MED26: variants seen among roughly 807,000 people sequenced by gnomAD.
MED26 encodes mediator of RNA polymerase II transcription subunit 26.
MED26 carries 7 observed loss-of-function variants against 43.7 expected under a neutral mutation model. The observed-to-expected ratio is 0.16, with a 90% CI of 0.09 to 0.30. The LOEUF (loss-of-function observed/expected upper bound fraction) is 0.30, where lower values mean the gene tolerates loss of function less well. Ranked by LOEUF, MED26 falls within the 10% of genes least tolerant of loss-of-function variation. The pLI, the probability that MED26 is intolerant of heterozygous loss-of-function variation, is 1.00. For synonymous variants in MED26, 375 were observed against 371.1 expected (o/e 1.01, Z -0.12); for missense variants, 784 against 840.6 (o/e 0.93, Z 0.83).
intron 1 of MED26, among the ~76,000 whole-genome samples, chr19:16,595,140 C>G (rs1230969895): frequency 6.6e-6 from 1 of 152,150 alleles, no homozygotes; most frequent in African/African-American, 2.4e-5. Context: ...GTAGGAAAGC[C>G]CACAGTCCAG....
At chr19:16,579,998 A>G (rs2086036554) in intron 1 of MED26, among the ~76,000 whole-genome samples, 1 of 152,186 alleles carries the variant, frequency 6.6e-6, no homozygotes, top group Non-Finnish European at 1.5e-5. Flanking sequence ...GCCCGACTTG[A>G]ATGCTGTGGG....
At chr19:16,616,866 C>G (rs553592612) in intron 1 of MED26, among the ~76,000 whole-genome samples, 13 of 151,978 alleles carry the variant, frequency 8.6e-5, no homozygotes, top group Non-Finnish European at 1.9e-4. Flanking sequence ...AGGCAGACAC[C>G]CCCCCACTGC....
Position 16,576,064 on chromosome 19 carries a change from C to G in MED26, c.1766G>C (p.Gly589Ala), listed in dbSNP as rs762728538. The change falls in exon 3 of 3, where the codon GGG becomes GCG. Residue 589 changes from glycine to alanine, a missense_variant. Gly to Ala is a moderately conservative substitution (Grantham distance 60). This residue lies in a region of MED26 where 719 missense variants were observed against 730.9 expected (regional missense o/e 0.98). Coordinates refer to ENST00000263390, the MANE Select transcript of MED26 (RefSeq NM_004831.5). The surrounding 1 kb of genome is among the most constrained non-coding windows in gnomAD (Gnocchi z 6.8). ...CISLDPHGDD[G>A]RLNILPYVCL... ...GACATAAGGCAGAATGTTCAAGCGC[C>G]CGTCGTCGCCGTGCGGATCGAGCGA... 1 of 1,613,710 alleles carries G rather than the reference C, an allele frequency of 6.2e-7. No homozygotes were observed. Among genetic ancestry groups the G allele is most frequent in the Admixed American group, 1.7e-5 (1 of 60,024 alleles).
At chr19:16,623,883 G>A (rs1309566424) in intron 1 of MED26, among the ~76,000 whole-genome samples, 2 of 152,002 alleles carry the variant, frequency 1.3e-5, no homozygotes, top group African/African-American at 2.4e-5. Flanking sequence ...AGAAACAAAA[G>A]CATTTTATCC....
At position 16,577,160 on chromosome 19, in the gene MED26, T is replaced by C; in HGVS notation, c.670A>G (p.Asn224Asp). 6.2e-7 allele frequency: 1 copy of C among 1,613,328 alleles called. No homozygotes were observed. The highest frequency in any genetic ancestry group is 2.2e-5 in the East Asian group (1 of 44,880). ...NDKHSGKIPV[N>D]AVRPHTSSPG... Reference sequence around the variant, plus strand: ...GAGCTGGTGTGCGGTCGCACGGCGTTGACGGGGATCTTGCCACTGTGCTTG... The same window carrying C: ...GAGCTGGTGTGCGGTCGCACGGCGTCGACGGGGATCTTGCCACTGTGCTTG... The change falls in exon 3 of 3, where the codon AAC becomes GAC. Residue 224 changes from asparagine (N) to aspartate (D), a missense_variant. Asn to Asp is a conservative substitution (Grantham distance 23). Coordinates refer to ENST00000263390, the MANE Select transcript of MED26 (RefSeq NM_004831.5). This position sits in a 1 kb window ranked among gnomAD's most constrained non-coding sequence, Gnocchi z 8.1.
chr19:16,609,311 C>CAAAA (rs777358965), intron 1 of MED26, among the ~76,000 whole-genome samples: 13 of 25,058 alleles, frequency 5.2e-4, no homozygotes, highest in African/African-American at 1.3e-3. Flanking sequence ...GACTCCGTCT[C>CAAAA]AAAAAAAAAA....
chr19:16,618,435 G>A (rs567794301), intron 1 of MED26, among the ~76,000 whole-genome samples: 29 of 152,274 alleles, frequency 1.9e-4, no homozygotes, highest in African/African-American at 5.5e-4. Flanking sequence ...ACCTGCACTC[G>A]GACAGCGTGA....
At chr19:16,616,451 T>A (rs2086226637) in intron 1 of MED26, among the ~76,000 whole-genome samples, 1 of 152,086 alleles carries the variant, frequency 6.6e-6, no homozygotes, top group African/African-American at 2.4e-5. Context: ...AACATCCCTA[T>A]CTGTTTTCAG....
rs1240935385 is a variant in MED26, at chr19:16,586,262, C to T, written c.73-7853G>A. 6.6e-6 allele frequency among the ~76,000 whole-genome samples: 1 copy of T among 152,228 alleles called. No homozygotes were observed. The highest frequency in any genetic ancestry group is 1.5e-5 in the Non-Finnish European group (1 of 68,040). The stretch of plus-strand genomic sequence containing the variant: ...AGTTCTTTCACGTCATCCTCACAAG[C>T]GCACTCTACAGATAAGGTAACTGAG... On this transcript the variant is annotated intron_variant, in intron 1 of 2. Transcript: ENST00000263390. This position sits in a 1 kb window ranked among gnomAD's most constrained non-coding sequence, Gnocchi z 5.1.
intron 1 of MED26, among the ~76,000 whole-genome samples, chr19:16,616,906 T>C (rs2086228754): frequency 2.0e-5 from 3 of 152,118 alleles, no homozygotes; most frequent in Non-Finnish European, 4.4e-5. Flanking sequence ...CAAGTGCCCA[T>C]GGTGAGCACA....
At chr19:16,590,674 T>C (rs757292788) in intron 1 of MED26, among the ~76,000 whole-genome samples, 26 of 152,192 alleles carry the variant, frequency 1.7e-4, no homozygotes, top group Non-Finnish European at 3.5e-4. Flanking sequence ...CTGATGTACT[T>C]ACAAGTTAAA....
intron 1 of MED26, among the ~76,000 whole-genome samples, chr19:16,590,412 T>C (rs2086090473): frequency 6.6e-6 from 1 of 152,196 alleles, no homozygotes; most frequent in South Asian, 2.1e-4. Context: ...ATGAGGCAAA[T>C]CTGCACATCT....
At chr19:16,625,242 CCT>C (rs1267898107) in intron 1 of MED26, among the ~76,000 whole-genome samples, 1 of 152,182 alleles carries the variant, frequency 6.6e-6, no homozygotes, top group Non-Finnish European at 1.5e-5. Flanking sequence ...TAACTCTGAG[CCT>C]GCTGCTATAG....
intron 1 of MED26, among the ~76,000 whole-genome samples, chr19:16,598,336 C>A (rs1204536400): frequency 9.5e-4 from 60 of 63,386 alleles, no homozygotes; most frequent in East Asian, 1.8e-3. Flanking sequence ...GATTCCATCT[C>A]AAAAAAAAAA....
intron 1 of MED26, among the ~76,000 whole-genome samples, chr19:16,605,814 T>C (rs1279566757): frequency 2.6e-5 from 4 of 152,216 alleles, no homozygotes; most frequent in African/African-American, 9.6e-5. Flanking sequence ...GCATTCATCC[T>C]GTAAATGGAT....
intron 1 of MED26, among the ~76,000 whole-genome samples, chr19:16,600,523 G>C (rs1455928799): frequency 6.6e-6 from 1 of 152,048 alleles, no homozygotes; most frequent in East Asian, 1.9e-4. Flanking sequence ...AGACCCCAGA[G>C]GCCCTGTGAG....
At chr19:16,620,460 G>A (rs901287611) in intron 1 of MED26, among the ~76,000 whole-genome samples, 6 of 152,322 alleles carry the variant, frequency 3.9e-5, no homozygotes, top group Middle Eastern at 3.4e-3. Flanking sequence ...GCTCAGTAAC[G>A]CTGACAGCCA....
chr19:16,627,829 G>A (rs766822866), intron 1 of MED26, 43 bp downstream of exon 1: 9 of 1,423,034 alleles, frequency 6.3e-6, no homozygotes, highest in Admixed American at 2.3e-5. Flanking sequence ...GAGGGTCCCG[G>A]GCCCATGCGG....
At chr19:16,627,756 G>T in intron 1 of MED26, 116 bp downstream of exon 1, 1 of 666,706 alleles carries the variant, frequency 1.5e-6, no homozygotes, top group Non-Finnish European at 2.2e-6. Context: ...AGCGGCCCTC[G>T]AGGGGAGGTG....
Sources: gnomAD v4.1 joint callset for allele counts (sites outside exome capture counted in the v4.1 genomes callset) on GRCh38, gnomAD v4.1.1 for gene constraint, gnomAD v4.1.1 regional missense constraint, Gnocchi (gnomAD v3.1) non-coding constraint, MANE v1.5 for transcripts, NCBI Gene and HGNC (gene_info 2026-07-23, HGNC 2026-07-21) for gene names.